Variants in INSC observed in about 807,000 individuals in gnomAD.
INSC encodes the protein INSC spindle orientation adaptor protein.
In INSC, 67 loss-of-function variants were observed where a neutral mutation model predicts 58.6. That is an observed-to-expected ratio of 1.14 (90% CI 0.94 to 1.40). INSC has a LOEUF of 1.40. Ranked by LOEUF, INSC falls within the 40% of genes most tolerant of loss-of-function variation. The pLI is 0.00. For missense variants in INSC, 714 were observed against 692.0 expected, an observed-to-expected ratio of 1.03 and a Z score of -0.36; for synonymous variants, 262 against 276.1, an observed-to-expected ratio of 0.95 and a Z score of 0.51.
At chr11:15,252,214 G>A in the INSC span, among the ~76,000 whole-genome samples, 1 of 152,164 alleles carries the variant, frequency 6.6e-6, no homozygotes, top group Non-Finnish European at 1.5e-5. Context: ...GTTGTTGTCA[G>A]GGGATTTGGG....
At chr11:15,162,254 A>G (rs1033572549) in intron 2 of INSC, among the ~76,000 whole-genome samples, 2 of 152,008 alleles carry the variant, frequency 1.3e-5, no homozygotes, top group African/African-American at 4.8e-5. Context: ...CTCCCCTCCT[A>G]CTAATATTTC....
At chr11:15,248,585 A>G (rs1474391358), downstream of INSC, among the ~76,000 whole-genome samples, 1 of 152,228 alleles carries the variant, frequency 6.6e-6, no homozygotes, top group Non-Finnish European at 1.5e-5. Flanking sequence ...TCCCCAAAGC[A>G]TACAGAATGA....
At chr11:15,138,580 T>G (rs1247976651) in intron 1 of INSC, among the ~76,000 whole-genome samples, 2 of 152,226 alleles carry the variant, frequency 1.3e-5, no homozygotes, top group Admixed American at 6.5e-5. Flanking sequence ...TTAATATATT[T>G]TGCTTTTTAA....
At chr11:15,113,139 T>TCTC (rs1564851712), upstream of INSC, among the ~76,000 whole-genome samples, 2 of 56,182 alleles carry the variant, frequency 3.6e-5, no homozygotes, top group Non-Finnish European at 5.5e-5. Context: ...CTTTCTTTCT[T>TCTC]TCTTTCTGTC....
intron 7 of INSC, among the ~76,000 whole-genome samples, chr11:15,212,164 C>T (rs759834057): frequency 2.0e-5 from 3 of 152,112 alleles, no homozygotes; most frequent in South Asian, 2.1e-4. Context: ...TGCAGTGGCA[C>T]GATTCTAGCT....
At chr11:15,181,231 A>C (rs896296235) in intron 5 of INSC, among the ~76,000 whole-genome samples, 1 of 152,222 alleles carries the variant, frequency 6.6e-6, no homozygotes, top group Non-Finnish European at 1.5e-5. Flanking sequence ...AGTGACTAGA[A>C]CAGTATCTGG....
chr11:15,194,567 G>A (rs545624074), intron 6 of INSC, among the ~76,000 whole-genome samples: 2 of 152,346 alleles, frequency 1.3e-5, no homozygotes, highest in African/African-American at 4.8e-5. Flanking sequence ...TCTTGTGAGT[G>A]GAGAAGTGAA....
chr11:15,171,145 C>T (rs958602022), intron 2 of INSC, among the ~76,000 whole-genome samples: 1 of 152,158 alleles, frequency 6.6e-6, no homozygotes, highest in Non-Finnish European at 1.5e-5. Context: ...TCTACCATGG[C>T]TGTGGGGTTG....
At chr11:15,150,160 C>T (rs1177026562) in intron 2 of INSC, among the ~76,000 whole-genome samples, 1 of 152,170 alleles carries the variant, frequency 6.6e-6, no homozygotes, top group African/African-American at 2.4e-5. Context: ...AGCCAGAACA[C>T]TGAGGGAATA....
chr11:15,177,031 T>C, intron 3 of INSC, 80 bp from the exon 4 acceptor site: 2 of 1,055,408 alleles, frequency 1.9e-6, no homozygotes, highest in Non-Finnish European at 3.0e-6. Flanking sequence ...TCATGTTTAA[T>C]GTCCCCGTGT....
chr11:15,202,606 T>G (rs970175009), intron 7 of INSC, among the ~76,000 whole-genome samples: 26 of 152,186 alleles, frequency 1.7e-4, no homozygotes, highest in Admixed American at 1.2e-3. Context: ...CTTCCTTGGA[T>G]AGTGTACAAA....
intron 2 of INSC, among the ~76,000 whole-genome samples, chr11:15,175,457 A>G (rs1035393137): frequency 1.3e-5 from 2 of 152,116 alleles, no homozygotes; most frequent in Non-Finnish European, 2.9e-5. Context: ...TTCCTGCCTC[A>G]CCCTTCCATT....
At chr11:15,264,029 T>G in the INSC span, among the ~76,000 whole-genome samples, 1 of 150,728 alleles carries the variant, frequency 6.6e-6, no homozygotes, top group Non-Finnish European at 1.5e-5. Flanking sequence ...GCACAGAAAG[T>G]TCTCTGCTTT....
At chr11:15,141,120 C>T (rs1036069784) in intron 1 of INSC, among the ~76,000 whole-genome samples, 2 of 152,134 alleles carry the variant, frequency 1.3e-5, no homozygotes, top group East Asian at 3.9e-4. Context: ...AGGGGGTAAT[C>T]TCTAAGGCCC....
upstream of INSC, among the ~76,000 whole-genome samples, chr11:15,113,023 G>A (rs778304391): frequency 1.8e-4 from 28 of 152,092 alleles, no homozygotes; most frequent in Non-Finnish European, 3.7e-4. Context: ...TTTCTTTGAG[G>A]AAGAATTGGA....
At chr11:15,213,693 C>CTCTATATGTCTCTCTCTATATG (rs1190906545) in intron 7 of INSC, among the ~76,000 whole-genome samples, 1 of 152,220 alleles carries the variant, frequency 6.6e-6, no homozygotes, top group Non-Finnish European at 1.5e-5. Flanking sequence ...ATGTCTCTCT[C>CTCTATATGTCTCTCTCTATATG]TCTCTCTACC....
intron 1 of INSC, among the ~76,000 whole-genome samples, chr11:15,131,056 C>G (rs1341273241): frequency 1.3e-5 from 2 of 151,852 alleles, no homozygotes. Context: ...CTGATACTTT[C>G]TTTAGAATTA....
upstream of INSC, among the ~76,000 whole-genome samples, chr11:15,112,087 G>A (rs1400333811): frequency 4.6e-5 from 7 of 152,200 alleles, no homozygotes; most frequent in Non-Finnish European, 1.0e-4. Flanking sequence ...GCTGGTGTGT[G>A]TATACACACA....
chr11:15,247,904 T>C (rs545386892), downstream of INSC, among the ~76,000 whole-genome samples: 1 of 152,196 alleles, frequency 6.6e-6, no homozygotes, highest in South Asian at 2.1e-4. Flanking sequence ...ATTTTGTCAT[T>C]GGCAACAAAT....
Sources: gnomAD v4.1 joint callset for allele counts (sites outside exome capture counted in the v4.1 genomes callset) on GRCh38, gnomAD v4.1.1 for gene constraint, MANE v1.5 for transcripts, NCBI Gene and HGNC (gene_info 2026-07-23, HGNC 2026-07-21) for gene names.